TSNARE1: variants seen among roughly 807,000 people sequenced by gnomAD.
TSNARE1 encodes t-SNARE domain containing 1, also known as t-SNARE domain-containing protein 1.
A neutral mutation model predicts 62.0 loss-of-function variants in TSNARE1; 49 were observed. That is an observed-to-expected ratio of 0.79 (90% CI 0.63 to 1.00). The LOEUF (loss-of-function observed/expected upper bound fraction) is 1.00, where lower values mean the gene tolerates loss of function less well. Among genes scored for constraint, TSNARE1 ranks in the 50% least tolerant of loss-of-function variants. TSNARE1 has a pLI of 0.00. For missense variants in TSNARE1, 755 were observed against 700.1 expected (o/e 1.08, Z -0.88); for synonymous variants, 328 against 294.4 (o/e 1.11, Z -1.17).
intron 10 of TSNARE1, among the ~76,000 whole-genome samples, chr8:142,288,447 G>A (rs1023595716): frequency 3.3e-5 from 5 of 152,258 alleles, no homozygotes; most frequent in South Asian, 2.1e-4. Flanking sequence ...GGAGGCCCCC[G>A]GAGGCAGTGG....
At chr8:142,292,148 C>T (rs557386190) in intron 10 of TSNARE1, among the ~76,000 whole-genome samples, 1 of 152,254 alleles carries the variant, frequency 6.6e-6, no homozygotes, top group South Asian at 2.1e-4. Context: ...AGATCCCAGC[C>T]TACATCCCAG....
At chr8:142,389,004 C>G (rs1372040057) in intron 1 of TSNARE1, among the ~76,000 whole-genome samples, 1 of 152,184 alleles carries the variant, frequency 6.6e-6, no homozygotes, top group Non-Finnish European at 1.5e-5. Flanking sequence ...TCAAAACATA[C>G]CACAAAGCTA....
chr8:142,339,336 G>A (rs112175703), intron 4 of TSNARE1, among the ~76,000 whole-genome samples: 5 of 152,082 alleles, frequency 3.3e-5, no homozygotes, highest in Admixed American at 6.5e-5. Context: ...GATGTGTGAC[G>A]GCTCTTGTTA....
At chr8:142,405,998 CTGTT>C (rs1838578699), upstream of TSNARE1, 1 of 152,336 alleles carries the variant, frequency 6.6e-6, no homozygotes. Context: ...AGCTGTGACA[CTGTT>C]TGCCCAGGGG....
intron 12 of TSNARE1, among the ~76,000 whole-genome samples, chr8:142,237,497 G>A (rs1486466338): frequency 6.6e-6 from 1 of 152,200 alleles, no homozygotes; most frequent in African/African-American, 2.4e-5. Context: ...CACAGGCCCT[G>A]GCTCTCTCCA....
At chr8:142,289,752 AG>A (rs1189153786) in intron 10 of TSNARE1, among the ~76,000 whole-genome samples, 3 of 152,294 alleles carry the variant, frequency 2.0e-5, no homozygotes, top group African/African-American at 7.2e-5. Flanking sequence ...CCATCATGGG[AG>A]GCCGCCGGGA....
intron 12 of TSNARE1, among the ~76,000 whole-genome samples, chr8:142,254,909 G>A (rs1466466657): frequency 6.6e-6 from 1 of 152,136 alleles, no homozygotes; most frequent in Non-Finnish European, 1.5e-5. Flanking sequence ...TCCCCTGCCT[G>A]CCACTCCCTG....
At chr8:142,331,055 CG>C (rs2132016275) in intron 5 of TSNARE1, 85 bp from the exon 6 acceptor site, 1 of 1,279,590 alleles carries the variant, frequency 7.8e-7, no homozygotes, top group Non-Finnish European at 1.1e-6. Flanking sequence ...CACTGCAGCC[CG>C]GGCAGGGTGA....
At chr8:142,218,759 C>A (rs920578851) in intron 13 of TSNARE1, among the ~76,000 whole-genome samples, 4 of 152,182 alleles carry the variant, frequency 2.6e-5, no homozygotes, top group African/African-American at 9.7e-5. Flanking sequence ...GGCCCTGGAG[C>A]CTTGAGGCCC....
At chr8:142,300,253 G>A in intron 10 of TSNARE1, 1 of 491,934 alleles carries the variant, frequency 2.0e-6, no homozygotes, top group Non-Finnish European at 3.6e-6. Flanking sequence ...TGCCCTATTA[G>A]GGAAACCCAG....
At chr8:142,299,100 G>A (rs770510701) in intron 10 of TSNARE1, among the ~76,000 whole-genome samples, 2 of 152,210 alleles carry the variant, frequency 1.3e-5, no homozygotes, top group African/African-American at 2.4e-5. Flanking sequence ...AGGGTGAAGG[G>A]GATGACACCT....
intron 11 of TSNARE1, chr8:142,280,289 A>G: frequency 1.0e-6 from 1 of 985,330 alleles, no homozygotes; most frequent in Non-Finnish European, 1.2e-6. Context: ...TCGGGGCTGC[A>G]GCTCTGCTGG....
intron 12 of TSNARE1, among the ~76,000 whole-genome samples, chr8:142,232,950 G>C (rs1817199429): frequency 1.3e-5 from 2 of 152,186 alleles, no homozygotes; most frequent in African/African-American, 4.8e-5. Flanking sequence ...CTGAGCTCCT[G>C]CTGTGGCCAA....
Position 142,291,732 on chromosome 8 carries a change from G to A in TSNARE1, c.1291-7247C>T, listed in dbSNP as rs999144210. On this transcript the variant is annotated intron_variant, in intron 10 of 13. Transcript: ENST00000524325. The surrounding 1 kb of genome is among the most constrained non-coding windows in gnomAD (Gnocchi z 4.8). Reference sequence around the variant, plus strand: ...GTGTGTGGGGGGCGAGCGTGGGAGCGGCAGGGGTTAGAGGACACCCCTGGA... The same window carrying A: ...GTGTGTGGGGGGCGAGCGTGGGAGCAGCAGGGGTTAGAGGACACCCCTGGA... 2.0e-5 allele frequency among the ~76,000 whole-genome samples: 3 copies of A among 152,154 alleles called. No homozygotes were observed. Among genetic ancestry groups the A allele is most frequent in the Non-Finnish European group, 2.9e-5 (2 of 68,032 alleles).
At chr8:142,382,712 G>A (rs1335964678) in intron 1 of TSNARE1, among the ~76,000 whole-genome samples, 2 of 152,242 alleles carry the variant, frequency 1.3e-5, no homozygotes, top group African/African-American at 4.8e-5. Context: ...CCAGAGGAAA[G>A]CTGTTCACTT....
At chr8:142,238,813 G>A (rs1434554558) in intron 12 of TSNARE1, among the ~76,000 whole-genome samples, 3 of 99,558 alleles carry the variant, frequency 3.0e-5, no homozygotes, top group Non-Finnish European at 5.7e-5. Context: ...CTGCACACCT[G>A]CCTCTGCCAA....
intron 10 of TSNARE1, among the ~76,000 whole-genome samples, chr8:142,290,099 G>A (rs966832963): frequency 1.3e-5 from 2 of 152,362 alleles, no homozygotes; most frequent in South Asian, 2.1e-4. Context: ...GGCACACCTA[G>A]GAGACTTGCC....
chr8:142,365,633 CAG>C (rs56823056), intron 1 of TSNARE1, among the ~76,000 whole-genome samples: 4,475 of 138,478 alleles, frequency 0.032, 96 homozygotes, highest in African/African-American at 0.069. Context: ...CACACACACA[CAG>C]AGAGAGAGAG....
intron 12 of TSNARE1, among the ~76,000 whole-genome samples, chr8:142,233,935 C>T (rs552073299): frequency 1.3e-5 from 2 of 152,204 alleles, no homozygotes; most frequent in African/African-American, 4.8e-5. Flanking sequence ...ACCACTGCAC[C>T]CTCCCAGCTC....
Sources: gnomAD v4.1 joint callset for allele counts (sites outside exome capture counted in the v4.1 genomes callset) on GRCh38, gnomAD v4.1.1 for gene constraint, Gnocchi (gnomAD v3.1) non-coding constraint, MANE v1.5 for transcripts, NCBI Gene and HGNC (gene_info 2026-07-23, HGNC 2026-07-21) for gene names.